The following VAV3 variants were observed in gnomAD, a reference collection of about 807,000 sequenced individuals.
The protein encoded by VAV3 is guanine nucleotide exchange factor VAV3.
A neutral mutation model predicts 131.2 loss-of-function variants in VAV3; 94 were observed. That is an observed-to-expected ratio of 0.72 (90% CI 0.61 to 0.85). The LOEUF is 0.85. VAV3 is among the 40% of genes least tolerant of loss of function. VAV3 has a pLI of 0.00. For missense variants in VAV3, 939 were observed against 1,002.7 expected (o/e 0.94, Z 0.86); for synonymous variants, 349 against 342.0 (o/e 1.02, Z -0.22).
intron 1 of VAV3, among the ~76,000 whole-genome samples, chr1:107,954,828 G>A (rs1439294829): frequency 1.3e-5 from 2 of 151,552 alleles, no homozygotes; most frequent in African/African-American, 4.9e-5. Context: ...CGATAGCCTC[G>A]CTGACAAGAA....
At position 107,574,141 on chromosome 1, in the gene VAV3, T is replaced by C. The variant is rs751226349; in HGVS notation, c.2408A>G (p.Asp803Gly). The C allele has an allele frequency of 6.2e-7, 1 of 1,614,060 alleles. No individual in the cohort carries two copies. Among genetic ancestry groups the C allele is most frequent in the Non-Finnish European group, 8.5e-7 (1 of 1,179,994 alleles). The part of the protein sequence containing the change: ...AIARYDFCAR[D>G]MRELSLLKGD... ...TTTCAACAAGGACAACTCTCTCATA[T>C]CTCTTGCACAGAAGTCATACCGAGC... Residue 803 changes from aspartate to glycine, a missense_variant, in exon 26 of 27, where the codon GAT (aspartate) becomes GGT (glycine). Transcript: ENST00000370056.
chr1:107,943,679 T>G (rs1674108716), intron 1 of VAV3, among the ~76,000 whole-genome samples: 1 of 152,066 alleles, frequency 6.6e-6, no homozygotes, highest in Non-Finnish European at 1.5e-5. Flanking sequence ...GAGGCAGAGG[T>G]TGCAGTGAGC....
chr1:107,759,953 A>G (rs1350000600), intron 10 of VAV3, among the ~76,000 whole-genome samples: 1 of 152,156 alleles, frequency 6.6e-6, no homozygotes, highest in Non-Finnish European at 1.5e-5. Context: ...CTTTGAGTTT[A>G]GGTCTCATAA....
chr1:107,622,207 T>C (rs1161117297), intron 20 of VAV3, among the ~76,000 whole-genome samples: 1 of 152,220 alleles, frequency 6.6e-6, no homozygotes, highest in Admixed American at 6.5e-5. Flanking sequence ...CACTTATTTA[T>C]TTCTAACTGA....
intron 20 of VAV3, 40 bp downstream of exon 20, chr1:107,642,579 T>C: frequency 6.2e-7 from 1 of 1,602,896 alleles, no homozygotes; most frequent in Non-Finnish European, 8.5e-7. Flanking sequence ...AACCCTCTCT[T>C]GGGGTCTGCA....
At chr1:107,760,457 T>C (rs904519204) in intron 10 of VAV3, among the ~76,000 whole-genome samples, 1 of 152,228 alleles carries the variant, frequency 6.6e-6, no homozygotes, top group Admixed American at 6.5e-5. Flanking sequence ...CACTGCAATA[T>C]TGAGGTGCTC....
chr1:107,779,532 G>C, intron 2 of VAV3, 40 bp from the exon 3 acceptor site: 1 of 1,490,132 alleles, frequency 6.7e-7, no homozygotes, highest in East Asian at 2.5e-5. Context: ...ATGTAGTTCA[G>C]AAAATATAAG....
chr1:107,710,728 T>C (rs896870973), intron 15 of VAV3, among the ~76,000 whole-genome samples: 1 of 152,128 alleles, frequency 6.6e-6, no homozygotes, highest in African/African-American at 2.4e-5. Flanking sequence ...TTTAAAATAA[T>C]ATGGATAGTT....
intron 20 of VAV3, among the ~76,000 whole-genome samples, chr1:107,630,348 A>ATGGAT (rs1654369112): frequency 2.7e-5 from 4 of 150,678 alleles, no homozygotes; most frequent in East Asian, 3.9e-4. Flanking sequence ...AATGGATGGG[A>ATGGAT]GGATGGATGG....
chr1:107,797,925 G>A (rs373218825), intron 2 of VAV3, among the ~76,000 whole-genome samples: 1 of 152,194 alleles, frequency 6.6e-6, no homozygotes, highest in Non-Finnish European at 1.5e-5. Context: ...CTTCTAGCAA[G>A]TTCTCAGAAG....
intron 1 of VAV3, among the ~76,000 whole-genome samples, chr1:107,914,179 T>C (rs538321773): frequency 6.6e-6 from 1 of 152,288 alleles, no homozygotes; most frequent in East Asian, 1.9e-4. Flanking sequence ...TGAATGTAAA[T>C]GGCTAATGAG....
chr1:107,650,104 G>A (rs1000191524), intron 19 of VAV3, among the ~76,000 whole-genome samples: 5 of 152,166 alleles, frequency 3.3e-5, no homozygotes, highest in Admixed American at 1.3e-4. Context: ...AGCCATATGC[G>A]TGAATGCTCT....
intron 1 of VAV3, among the ~76,000 whole-genome samples, chr1:107,924,908 T>C (rs1210936276): frequency 6.6e-6 from 1 of 152,232 alleles, no homozygotes; most frequent in African/African-American, 2.4e-5. Flanking sequence ...CTCTTAGTTC[T>C]ATACACAACA....
At chr1:107,730,847 G>C (rs1339572364) in intron 15 of VAV3, among the ~76,000 whole-genome samples, 1 of 152,090 alleles carries the variant, frequency 6.6e-6, no homozygotes, top group Non-Finnish European at 1.5e-5. Context: ...AACAACAGTA[G>C]GTGTTCTTGC....
rs999345492 is a variant in VAV3, at chr1:107,571,831, C to A, written c.*1500G>T. 3.3e-5 allele frequency: 5 copies of A among 152,768 alleles called. No homozygotes were observed. Among genetic ancestry groups the A allele is most frequent in the Non-Finnish European group, 7.3e-5 (5 of 68,036 alleles). 9.5% of individuals were successfully genotyped at this position (152,768 alleles called of 1,614,324 possible). A position where few individuals can be genotyped will look rare whatever the true frequency, so the allele number is the denominator to read the frequency against. ...GAAAAGTCCTAGCCCATGAGGGTCT[C>A]TAACAGGGGGATGTGTCCACTGAAC... On this transcript the variant is annotated 3_prime_UTR_variant, in exon 27 of 27. Coordinates refer to ENST00000370056, the MANE Select transcript of VAV3 (RefSeq NM_006113.5).
intron 1 of VAV3, among the ~76,000 whole-genome samples, chr1:107,955,682 A>G (rs1674775158): frequency 6.6e-6 from 1 of 151,930 alleles, no homozygotes; most frequent in South Asian, 2.1e-4. Context: ...CAAGCAGACA[A>G]AAAGGTATAT....
At chr1:107,830,672 T>C (rs1303585925) in intron 2 of VAV3, among the ~76,000 whole-genome samples, 1 of 151,968 alleles carries the variant, frequency 6.6e-6, no homozygotes, top group Non-Finnish European at 1.5e-5. Context: ...ATATCTTTGC[T>C]CATTCTCTAA....
intron 22 of VAV3, among the ~76,000 whole-genome samples, chr1:107,604,030 G>A (rs577106498): frequency 1.4e-5 from 2 of 145,742 alleles, no homozygotes; most frequent in South Asian, 2.1e-4. Context: ...CATAATAACT[G>A]TAATAATAAA....
intron 2 of VAV3, among the ~76,000 whole-genome samples, chr1:107,831,943 T>C (rs115689361): frequency 6.0e-4 from 92 of 152,350 alleles, no homozygotes; most frequent in Middle Eastern, 3.4e-3. Context: ...CAGTCACTGA[T>C]ACAGAACCTA....
Sources: gnomAD v4.1 joint callset for allele counts (sites outside exome capture counted in the v4.1 genomes callset) on GRCh38, gnomAD v4.1.1 for gene constraint, MANE v1.5 for transcripts, NCBI Gene and HGNC (gene_info 2026-07-23, HGNC 2026-07-21) for gene names.